The following GABPB2 variants were observed in gnomAD, a reference collection of about 807,000 sequenced individuals.
GABPB2 encodes GA-binding protein subunit beta-2.
GABPB2 carries 23 observed loss-of-function variants against 39.1 expected under a neutral mutation model. That is an observed-to-expected ratio of 0.59 (90% confidence interval 0.42 to 0.83). The LOEUF is 0.83. GABPB2 is among the 40% of genes least tolerant of loss of function. The pLI is 0.00. For missense variants in GABPB2, 467 were observed against 541.1 expected (o/e 0.86, Z 1.36); for synonymous variants, 184 against 199.3 (o/e 0.92, Z 0.65).
intron 4 of GABPB2, among the ~76,000 whole-genome samples, chr1:151,095,023 A>AAT (rs1679004371): frequency 6.6e-6 from 1 of 151,254 alleles, no homozygotes; most frequent in Non-Finnish European, 1.5e-5. Flanking sequence ...AAAAAAAAAA[A>AAT]ATTAATAGGA....
chr1:151,083,159 G>A (rs1389399269), intron 1 of GABPB2, among the ~76,000 whole-genome samples: 1 of 152,100 alleles, frequency 6.6e-6, no homozygotes, highest in Non-Finnish European at 1.5e-5. Context: ...AAATTGTATA[G>A]GTCATCTAAA....
intron 1 of GABPB2, among the ~76,000 whole-genome samples, chr1:151,078,026 T>C (rs983432942): frequency 4.6e-5 from 7 of 151,146 alleles, no homozygotes; most frequent in African/African-American, 1.7e-4. Context: ...ATCCCAGCAC[T>C]TTGGGAGGCT....
chr1:151,099,588 C>G (rs774324002), intron 5 of GABPB2, among the ~76,000 whole-genome samples: 2 of 152,076 alleles, frequency 1.3e-5, no homozygotes, highest in Non-Finnish European at 2.9e-5. Context: ...CTATTGGTTT[C>G]TTTTTCTGTT....
intron 1 of GABPB2, among the ~76,000 whole-genome samples, chr1:151,084,192 G>A (rs113457531): frequency 1.3e-5 from 2 of 151,472 alleles, no homozygotes; most frequent in African/African-American, 4.8e-5. Context: ...AATTGCAGGC[G>A]TGAGCCACTG....
At chr1:151,102,376 AACATTTAGC>A (rs2101533879) in intron 5 of GABPB2, among the ~76,000 whole-genome samples, 1 of 152,328 alleles carries the variant, frequency 6.6e-6, no homozygotes, top group Non-Finnish European at 1.5e-5. Context: ...AAGTATTTTT[AACATTTAGC>A]GTTTTTAGTG....
In GABPB2 at chr1:151,117,450, A is replaced by T; in HGVS notation, c.981A>T (p.Glu327Asp). 1 of 1,613,844 alleles carries T rather than the reference A, an allele frequency of 6.2e-7. No individual in the cohort carries two copies. Residue 327 changes from glutamate (E) to aspartate (D), a missense_variant, in exon 8 of 9, where the codon GAA (glutamate) becomes GAT (aspartate). Transcript: ENST00000368918. The stretch of plus-strand genomic sequence containing the variant: ...AGACTGTAATTAAAGAGGAAGAAGA[A>T]GAGAAGTTGCCACTAACAAAGAAAC... ...AEETVIKEEE[E>D]EKLPLTKKPR...
intron 3 of GABPB2, among the ~76,000 whole-genome samples, chr1:151,092,189 C>G (rs1678773472): frequency 6.7e-6 from 1 of 148,900 alleles, no homozygotes; most frequent in Admixed American, 6.8e-5. Flanking sequence ...TCACTGCAAC[C>G]TCTGCCTCCC....
intron 6 of GABPB2, among the ~76,000 whole-genome samples, chr1:151,105,436 CA>C (rs1162632804): frequency 6.8e-6 from 1 of 147,088 alleles, no homozygotes; most frequent in South Asian, 2.1e-4. Flanking sequence ...ATATATATAT[CA>C]AATATATATA....
At chr1:151,110,005 ATTTTTTTTTTTTT>A (rs71577269) in intron 7 of GABPB2, among the ~76,000 whole-genome samples, 4 of 60,704 alleles carry the variant, frequency 6.6e-5, no homozygotes, top group East Asian at 7.5e-4. Context: ...TGCCCAGCTA[ATTTTTTTTTTTTT>A]TTTTTTTTTT....
chr1:151,123,510 G>C lies in GABPB2; in HGVS notation c.*5254G>C, dbSNP rs1228209213. On this transcript the variant is annotated 3_prime_UTR_variant, in exon 9 of 9. Coordinates refer to ENST00000368918, the MANE Select transcript of GABPB2 (RefSeq NM_144618.3). ...AAAAACAGACAAATGGATCAGAATT[G>C]GTGCTTGAGCAAGAGAAACTTCGAG... The C allele has an allele frequency of 6.6e-6, 1 of 151,610 alleles. No individual in the cohort carries two copies. The highest frequency in any genetic ancestry group is 1.5e-5 in the Non-Finnish European group (1 of 67,996). 9.4% of individuals were successfully genotyped at this position (151,610 alleles called of 1,614,324 possible).
intron 5 of GABPB2, among the ~76,000 whole-genome samples, chr1:151,100,643 C>CCACT (rs888464869): frequency 1.8e-5 from 2 of 111,182 alleles, no homozygotes; most frequent in African/African-American, 7.0e-5. Flanking sequence ...GGCTGGAGTG[C>CCACT]AGTGGCATGA....
At chr1:151,110,005 ATTTTTTTTTTTTTTT>A (rs71577269) in intron 7 of GABPB2, among the ~76,000 whole-genome samples, 2,712 of 60,576 alleles carry the variant, frequency 0.045, 58 homozygotes, top group Non-Finnish European at 0.052. Context: ...TGCCCAGCTA[ATTTTTTTTTTTTTTT>A]TTTTTTTTTT....
chr1:151,080,117 A>G (rs1677526816), intron 1 of GABPB2, among the ~76,000 whole-genome samples: 1 of 145,268 alleles, frequency 6.9e-6, no homozygotes, highest in Non-Finnish European at 1.5e-5. Flanking sequence ...TGGGAGGCTG[A>G]GGTAGGAGAA....
Position 151,118,374 on chromosome 1 carries a change from G to A in GABPB2, c.*118G>A. ...TGTCTTTAAGAAGAAAACTATAGCA[G>A]GGTACAATGCTTGGGCTCAGGAAGT... On this transcript the variant is annotated 3_prime_UTR_variant, in exon 9 of 9. Transcript: ENST00000368918. 1.0e-5 allele frequency: 10 copies of A among 980,946 alleles called. No individual in the cohort carries two copies. Among genetic ancestry groups the A allele is most frequent in the Non-Finnish European group, 1.5e-5 (10 of 673,624 alleles). The allele number at this position is 980,946 out of a possible 1,614,324, so 60.8% of individuals were successfully genotyped here. A position where few individuals can be genotyped will look rare whatever the true frequency, so the allele number is the denominator to read the frequency against.
At chr1:151,083,590 C>T (rs931971034) in intron 1 of GABPB2, among the ~76,000 whole-genome samples, 1 of 151,586 alleles carries the variant, frequency 6.6e-6, no homozygotes, top group African/African-American at 2.4e-5. Context: ...GCCGTCATCT[C>T]GCCACTGCAC....
intron 3 of GABPB2, among the ~76,000 whole-genome samples, chr1:151,091,866 A>G (rs887432749): frequency 1.3e-5 from 2 of 151,880 alleles, no homozygotes; most frequent in African/African-American, 4.8e-5. Flanking sequence ...TGCAGTTTTC[A>G]ACATCTGGGT....
chr1:151,111,516 G>A (rs1194480693), intron 7 of GABPB2, among the ~76,000 whole-genome samples: 4 of 151,570 alleles, frequency 2.6e-5, no homozygotes, highest in Admixed American at 2.6e-4. Context: ...TCCACCTCCC[G>A]GGTTGACGCC....
In GABPB2 at chr1:151,093,355, A is replaced by T. The variant is rs1280335745; in HGVS notation, c.440A>T (p.Lys147Ile). The change falls in exon 4 of 9, where the codon AAA becomes ATA. Residue 147 changes from lysine (K) to isoleucine (I), a missense_variant. By Grantham distance (102) the Lys-to-Ile change is moderately radical. Transcript: ENST00000368918. ...TCAGCCTTTGACATAGCTCTGGAGA[A>T]AAACAATGCTGAGATTTTGGTCATC... ...DKSAFDIALE[K>I]NNAEILVILQ... The T allele has an allele frequency of 1.9e-6, 3 of 1,603,498 alleles. No individual in the cohort carries two copies. In the Admixed American group the frequency reaches 5.2e-5, roughly 28 times the overall value.
At position 151,106,618 on chromosome 1, in the gene GABPB2, G is replaced by A. The variant is rs181814689; in HGVS notation, c.737-419G>A. Among the ~76,000 whole-genome samples the A allele has an allele frequency of 3.2e-3, 485 of 152,290 alleles. 7 individuals are homozygous for A. Among genetic ancestry groups the A allele is most frequent in the Middle Eastern group, 3.4e-3 (1 of 294 alleles). ...CTCCCAAAGTGCTGAGATTACAGGC[G>A]TGAGCCACTGTGCCCAGCCGAAACA... is the stretch of plus-strand genomic sequence containing the variant. On this transcript the variant is annotated intron_variant, in intron 6 of 8. Coordinates refer to ENST00000368918, the MANE Select transcript of GABPB2 (RefSeq NM_144618.3).
Sources: allele counts gnomAD v4.1 joint callset (sites outside exome capture counted in the v4.1 genomes callset), GRCh38; gene constraint gnomAD v4.1.1; transcripts MANE v1.5; gene names NCBI Gene and HGNC (gene_info 2026-07-23, HGNC 2026-07-21).